Variants in TOPAZ1 observed in about 807,000 individuals in gnomAD.
TOPAZ1 encodes testis and ovary specific TOPAZ 1, also known as protein TOPAZ1.
A neutral mutation model predicts 172.2 loss-of-function variants in TOPAZ1; 66 were observed. The observed-to-expected ratio is 0.38, with a 90% CI of 0.31 to 0.47. The LOEUF is 0.47. TOPAZ1 is among the 20% of genes least tolerant of loss of function. The pLI, the probability that TOPAZ1 is intolerant of heterozygous loss-of-function variation, is 0.99. For missense variants in TOPAZ1, 1,822 were observed against 1,972.4 expected, an observed-to-expected ratio of 0.92 and a Z score of 1.44; for synonymous variants, 681 against 683.9, an observed-to-expected ratio of 1.00 and a Z score of 0.07.
At position 44,290,795 on chromosome 3, in the gene TOPAZ1, G is replaced by T. The variant is rs932375050; in HGVS notation, c.3706G>T (p.Asp1236Tyr). 3.9e-6 allele frequency: 6 copies of T among 1,548,414 alleles called. No individual in the cohort carries two copies. Among genetic ancestry groups the T allele is most frequent in the South Asian group, 2.4e-5 (2 of 83,254 alleles). The change falls in exon 12 of 20, where the codon GAC becomes TAC. Residue 1236 changes from aspartate (D) to tyrosine (Y), a missense_variant. By Grantham distance (160) the Asp-to-Tyr change is radical. Around this residue, in one of 2 missense-constraint regions of TOPAZ1, gnomAD observed 1,489 missense variants for 1,490.8 expected, o/e 1.00. Transcript: ENST00000309765. Reference sequence around the variant, plus strand: ...GCTTGTTGAAGCCGGGATGGTGCTTGACCCAGAGCACTTTAACTATATTGT... The same window carrying T: ...GCTTGTTGAAGCCGGGATGGTGCTTTACCCAGAGCACTTTAACTATATTGT... ...CKLVEAGMVL[D>Y]PEHFNYIVKL...
chr3:44,270,389 C>T (rs1427546801), intron 7 of TOPAZ1, among the ~76,000 whole-genome samples: 1 of 151,956 alleles, frequency 6.6e-6, no homozygotes, highest in African/African-American at 2.4e-5. Context: ...GAACCTGTAC[C>T]TGCTCCAGAA....
At chr3:44,273,649 C>T (rs1297918434) in intron 8 of TOPAZ1, among the ~76,000 whole-genome samples, 1 of 152,142 alleles carries the variant, frequency 6.6e-6, no homozygotes. Context: ...TCACACCATC[C>T]TCTTCATCCT....
intron 18 of TOPAZ1, among the ~76,000 whole-genome samples, chr3:44,323,541 G>A (rs933940348): frequency 6.6e-6 from 1 of 152,094 alleles, no homozygotes; most frequent in East Asian, 1.9e-4. Flanking sequence ...TAGCCTGTCC[G>A]CTAGAGGGCG....
At chr3:44,258,591 T>C (rs891055808) in intron 4 of TOPAZ1, among the ~76,000 whole-genome samples, 20 of 152,254 alleles carry the variant, frequency 1.3e-4, no homozygotes, top group African/African-American at 4.3e-4. Flanking sequence ...TTTTTTTTTT[T>C]CCACCTGGAT....
At chr3:44,327,599 A>G (rs987501037) in intron 18 of TOPAZ1, among the ~76,000 whole-genome samples, 1 of 152,226 alleles carries the variant, frequency 6.6e-6, no homozygotes, top group African/African-American at 2.4e-5. Context: ...TGCATAAACT[A>G]TAATGGTACT....
chr3:44,319,399 A>T lies in TOPAZ1; in HGVS notation c.4307-1628A>T, dbSNP rs977499374. On this transcript the variant is annotated intron_variant, in intron 16 of 19. Coordinates refer to ENST00000309765, the MANE Select transcript of TOPAZ1 (RefSeq NM_001145030.2). The stretch of plus-strand genomic sequence containing the variant: ...TGACCATTACCCTACCTTAAATATA[A>T]AGAATAAGTATTAAAGAAAAATGAT... Among the ~76,000 whole-genome samples the T allele has an allele frequency of 4.2e-4, 64 of 152,212 alleles. 2 individuals are homozygous for T. The highest frequency in any genetic ancestry group is 5.9e-5 in the Non-Finnish European group (4 of 68,028).
At position 44,300,039 on chromosome 3, in the gene TOPAZ1, A is replaced by T. The variant is rs563846979; in HGVS notation, c.3798-3976A>T. On this transcript the variant is annotated intron_variant, in intron 12 of 19. Coordinates refer to ENST00000309765, the MANE Select transcript of TOPAZ1 (RefSeq NM_001145030.2). ...AATGGGTGCAGCACACCAGCATGGCACATGTATACATATGTAACTAACCTG... is the reference window on the plus strand; with the variant it reads ...AATGGGTGCAGCACACCAGCATGGCTCATGTATACATATGTAACTAACCTG... Among the ~76,000 whole-genome samples, 86 of 151,336 alleles carry T rather than the reference A, an allele frequency of 5.7e-4. 2 individuals carry two copies. The South Asian group carries it at 0.016, about 29-fold the overall frequency.
chr3:44,263,280 A>G (rs960168077), intron 5 of TOPAZ1, among the ~76,000 whole-genome samples: 8 of 152,224 alleles, frequency 5.3e-5, no homozygotes, highest in Admixed American at 1.3e-4. Context: ...AGAAAAAGCA[A>G]TAAGATTAAC....
At chr3:44,321,955 CAGAT>C (rs1274559031) in intron 17 of TOPAZ1, among the ~76,000 whole-genome samples, 1 of 152,050 alleles carries the variant, frequency 6.6e-6, no homozygotes, top group Non-Finnish European at 1.5e-5. Flanking sequence ...GGAGATTGGA[CAGAT>C]AGTTGTGCCA....
chr3:44,250,803 T>G (rs1699621619), intron 2 of TOPAZ1, among the ~76,000 whole-genome samples: 2 of 152,240 alleles, frequency 1.3e-5, no homozygotes, highest in Admixed American at 6.5e-5. Flanking sequence ...TATTCTGATT[T>G]TTTTTCTTTT....
At chr3:44,285,541 A>AC (rs1227341903) in intron 9 of TOPAZ1, among the ~76,000 whole-genome samples, 1 of 147,404 alleles carries the variant, frequency 6.8e-6, no homozygotes, top group African/African-American at 2.5e-5. Context: ...GACAGTTTCC[A>AC]CCCAACAGTT....
intron 2 of TOPAZ1, among the ~76,000 whole-genome samples, chr3:44,248,293 A>G (rs1381945402): frequency 6.6e-6 from 1 of 152,080 alleles, no homozygotes; most frequent in Non-Finnish European, 1.5e-5. Context: ...AACGTTAGCC[A>G]TTTTGGTGTG....
At chr3:44,293,648 T>C (rs1700163983) in intron 12 of TOPAZ1, among the ~76,000 whole-genome samples, 1 of 152,360 alleles carries the variant, frequency 6.6e-6, no homozygotes, top group African/African-American at 2.4e-5. Flanking sequence ...CTGGGTGTTG[T>C]TACAAAAGAG....
intron 8 of TOPAZ1, among the ~76,000 whole-genome samples, chr3:44,271,978 A>T (rs376556710): frequency 6.6e-5 from 10 of 152,258 alleles, no homozygotes; most frequent in African/African-American, 2.4e-4. Flanking sequence ...TTTAGATTCC[A>T]TATGTAAATG....
intron 12 of TOPAZ1, among the ~76,000 whole-genome samples, chr3:44,293,769 T>C (rs1201931042): frequency 6.6e-6 from 1 of 152,198 alleles, no homozygotes; most frequent in East Asian, 1.9e-4. Flanking sequence ...GTCTACAGTT[T>C]GTGTTACAGT....
Position 44,321,142 on chromosome 3 carries a change from A to G in TOPAZ1, c.4422A>G (p.Arg1474=), listed in dbSNP as rs1488946232. The G allele has an allele frequency of 6.5e-7, 1 of 1,549,238 alleles. No homozygotes were observed. The highest frequency in any genetic ancestry group is 8.7e-7 in the Non-Finnish European group (1 of 1,146,246). The change falls in exon 17 of 20, where the codon AGA becomes AGG. Residue 1474 remains arginine (R), a synonymous_variant. Coordinates refer to ENST00000309765, the MANE Select transcript of TOPAZ1 (RefSeq NM_001145030.2). ...AHEILAKSLY[R]QTFEVLQNLP... ...AAATCTTAGCCAAGAGCCTTTATAG[A>G]CAGACATTTGAAGTTTTGCAGAATC...
rs1361667232 is a variant in TOPAZ1 at position 44,250,257 on chromosome 3, A to AAC, written c.2766-4710_2766-4709insCA. ...CCATGAAATGACAAAAAAAAAAAAA[A>AAC]AAAACAGGTTTCCACCAAAAATAAA... On this transcript the variant is annotated intron_variant, in intron 2 of 19. Coordinates refer to ENST00000309765, the MANE Select transcript of TOPAZ1 (RefSeq NM_001145030.2). Among the ~76,000 whole-genome samples the AAC allele has an allele frequency of 1.1e-4, 17 of 151,322 alleles. 1 individual carries two copies. The highest frequency in any genetic ancestry group is 1.0e-4 in the Non-Finnish European group (7 of 67,840).
chr3:44,253,177 G>T (rs1327815964), intron 2 of TOPAZ1, among the ~76,000 whole-genome samples: 1 of 152,186 alleles, frequency 6.6e-6, no homozygotes, highest in Non-Finnish European at 1.5e-5. Context: ...AAAAGGACAT[G>T]AGGAGCTGTT....
rs533049614 is a variant in TOPAZ1 at position 44,281,882 on chromosome 3, A to G, written c.3373-86A>G. ...TTTGAGATCATTTAAAAATTTCAAT[A>G]TAAGCAAAAAGATAGGATTGAAATG... On this transcript the variant is annotated intron_variant, in intron 8 of 19. Transcript: ENST00000309765. The G allele has an allele frequency of 3.7e-6, 3 of 804,372 alleles. No individual in the cohort carries two copies. The African/African-American group carries it at 5.4e-5, about 14-fold the overall frequency. 49.8% of individuals were successfully genotyped at this position (804,372 alleles called of 1,614,324 possible). A position where few individuals can be genotyped will look rare whatever the true frequency, so the allele number is the denominator to read the frequency against.
Sources: allele counts gnomAD v4.1 joint callset (sites outside exome capture counted in the v4.1 genomes callset), GRCh38; gene constraint gnomAD v4.1.1; regional missense constraint gnomAD v4.1.1; transcripts MANE v1.5; gene names NCBI Gene and HGNC (gene_info 2026-07-23, HGNC 2026-07-21).